Variants in PALM2AKAP2 observed in about 807,000 individuals in gnomAD.
PALM2AKAP2 encodes the protein PALM2-AKAP2 fusion protein.
A neutral mutation model predicts 71.5 loss-of-function variants in PALM2AKAP2; 37 were observed. The observed-to-expected ratio is 0.52, with a 90% confidence interval of 0.40 to 0.68. The LOEUF is 0.68. Ranked by LOEUF, PALM2AKAP2 falls within the 30% of genes least tolerant of loss-of-function variation. PALM2AKAP2 has a pLI of 0.00. For missense variants in PALM2AKAP2, 1,224 were observed against 1,191.8 expected (o/e 1.03, Z -0.40); for synonymous variants, 468 against 478.8 (o/e 0.98, Z 0.29).
intron 1 of PALM2AKAP2, among the ~76,000 whole-genome samples, chr9:109,762,157 A>T (rs937799626): frequency 4.0e-5 from 6 of 148,562 alleles, no homozygotes; most frequent in Non-Finnish European, 6.0e-5. Flanking sequence ...GAAGGACAGA[A>T]TTTTTTTTTT....
At chr9:110,076,461 G>A (rs1352257788) in intron 1 of PALM2AKAP2, among the ~76,000 whole-genome samples, 1 of 115,540 alleles carries the variant, frequency 8.7e-6, no homozygotes, top group Non-Finnish European at 1.8e-5. Context: ...ATAGGCTCCT[G>A]AGGATATATA....
At chr9:109,954,830 A>T (rs1286428887) in intron 6 of PALM2AKAP2, among the ~76,000 whole-genome samples, 1 of 152,152 alleles carries the variant, frequency 6.6e-6, no homozygotes, top group African/African-American at 2.4e-5. Flanking sequence ...CAATAATAAT[A>T]AATTAAGAGA....
chr9:110,002,734 T>C (rs1159779466), intron 6 of PALM2AKAP2, among the ~76,000 whole-genome samples: 1 of 152,210 alleles, frequency 6.6e-6, no homozygotes, highest in Non-Finnish European at 1.5e-5. Flanking sequence ...ATTCAGAGAT[T>C]CAACTTCTTC....
intron 6 of PALM2AKAP2, among the ~76,000 whole-genome samples, chr9:110,003,730 A>C (rs914082565): frequency 6.6e-6 from 1 of 152,168 alleles, no homozygotes; most frequent in Non-Finnish European, 1.5e-5. Flanking sequence ...GGATGCATAT[A>C]TATTTAGGAT....
intron 6 of PALM2AKAP2, among the ~76,000 whole-genome samples, chr9:109,981,013 C>A (rs1368103717): frequency 1.3e-5 from 2 of 152,188 alleles, no homozygotes; most frequent in Non-Finnish European, 2.9e-5. Context: ...TTGCATCCTA[C>A]CTCATAAGAG....
intron 1 of PALM2AKAP2, among the ~76,000 whole-genome samples, chr9:109,838,962 AGGAGCT>A (rs1828570118): frequency 6.6e-6 from 1 of 152,246 alleles, no homozygotes; most frequent in South Asian, 2.1e-4. Context: ...TGGTACAAGG[AGGAGCT>A]GGTACCATTC....
intron 6 of PALM2AKAP2, chr9:109,942,895 C>T (rs761947602): frequency 6.2e-7 from 1 of 1,614,148 alleles, no homozygotes; most frequent in Non-Finnish European, 8.5e-7. Context: ...TGTAGAAGAG[C>T]TTATTCAGAA....
intron 6 of PALM2AKAP2, among the ~76,000 whole-genome samples, chr9:109,993,843 T>C (rs1354252715): frequency 6.6e-6 from 1 of 151,620 alleles, no homozygotes; most frequent in Non-Finnish European, 1.5e-5. Context: ...TTTTACTCTC[T>C]CCCCCTCTTT....
intron 6 of PALM2AKAP2, among the ~76,000 whole-genome samples, chr9:109,973,359 A>G (rs750305964): frequency 1.3e-5 from 2 of 152,178 alleles, no homozygotes; most frequent in Admixed American, 1.3e-4. Context: ...CTTTCTTGCT[A>G]CTGGAGCTCT....
chr9:110,006,326 C>CTTTCTTTCTTTCTTTCT (rs1832782480), intron 6 of PALM2AKAP2, among the ~76,000 whole-genome samples: 13 of 105,910 alleles, frequency 1.2e-4, no homozygotes, highest in African/African-American at 4.9e-4. Flanking sequence ...CCTTCCTTCT[C>CTTTCTTTCTTTCTTTCT]TTTCTTTCTT....
upstream of PALM2AKAP2, among the ~76,000 whole-genome samples, chr9:110,046,094 T>C (rs531671029): frequency 6.2e-4 from 94 of 152,282 alleles, no homozygotes; most frequent in African/African-American, 2.1e-3. Flanking sequence ...TCACCCTCAA[T>C]TGGGAACCAC....
intron 1 of PALM2AKAP2, among the ~76,000 whole-genome samples, chr9:109,693,282 ATT>A (rs1827924344): frequency 6.6e-6 from 1 of 151,822 alleles, no homozygotes; most frequent in Non-Finnish European, 1.5e-5. Context: ...CAATTCTCTC[ATT>A]ATTCTGTCTG....
upstream of PALM2AKAP2, among the ~76,000 whole-genome samples, chr9:109,777,101 C>A (rs111437109): frequency 5.0e-3 from 769 of 152,328 alleles, 5 homozygotes; most frequent in African/African-American, 0.016. Context: ...CAAACGATTT[C>A]TATTTTTCTG....
Position 109,853,204 on chromosome 9 carries a change from T to C in PALM2AKAP2, c.46-14287T>C, listed in dbSNP as rs575023483. Among the ~76,000 whole-genome samples the C allele has an allele frequency of 8.5e-5, 13 of 152,286 alleles. No homozygotes were observed. In the South Asian group the frequency reaches 2.5e-3, roughly 29 times the overall value. ...TAGTGAGGGTTGATGAGGTAGTTCA[T>C]TTAAAGCACTCAGAACTGCGCGTGG... On this transcript the variant is annotated intron_variant, in intron 1 of 9. Transcript: ENST00000302798.
At chr9:110,157,435 G>A (rs1251443290) in intron 3 of PALM2AKAP2, among the ~76,000 whole-genome samples, 2 of 151,904 alleles carry the variant, frequency 1.3e-5, no homozygotes, top group Non-Finnish European at 2.9e-5. Context: ...GTCTGTCTCT[G>A]TCACCCAGGC....
intron 6 of PALM2AKAP2, among the ~76,000 whole-genome samples, chr9:109,955,542 T>C (rs564890260): frequency 1.3e-5 from 2 of 152,352 alleles, no homozygotes; most frequent in Non-Finnish European, 2.9e-5. Context: ...CCCATACTTA[T>C]TTAAATTGAA....
chr9:109,930,773 A>G (rs1279422082), intron 5 of PALM2AKAP2, among the ~76,000 whole-genome samples: 2 of 152,136 alleles, frequency 1.3e-5, no homozygotes, highest in African/African-American at 4.8e-5. Flanking sequence ...AATGCGGAGG[A>G]TTTTGAACAG....
intron 3 of PALM2AKAP2, among the ~76,000 whole-genome samples, chr9:109,905,405 G>T (rs1830425135): frequency 6.6e-6 from 1 of 152,144 alleles, no homozygotes; most frequent in Non-Finnish European, 1.5e-5. Flanking sequence ...CCAGAAAAGG[G>T]CCCCAAAGGC....
intron 1 of PALM2AKAP2, among the ~76,000 whole-genome samples, chr9:109,764,416 T>C (rs553090199): frequency 2.6e-5 from 4 of 152,270 alleles, no homozygotes. Flanking sequence ...TCTCTCTGCC[T>C]ATATACTACC....
Sources: allele counts gnomAD v4.1 joint callset (sites outside exome capture counted in the v4.1 genomes callset), GRCh38; gene constraint gnomAD v4.1.1; transcripts MANE v1.5; gene names NCBI Gene and HGNC (gene_info 2026-07-23, HGNC 2026-07-21).